Variants in EDIL3 observed in about 807,000 individuals in gnomAD.
EDIL3 encodes the protein EGF like and discoidin domains 3.
Under a neutral mutation model 67.4 loss-of-function variants are expected in EDIL3, and 37 were observed. That is an observed-to-expected ratio of 0.55 (90% CI 0.42 to 0.72). EDIL3 has a LOEUF of 0.72. Among genes scored for constraint, EDIL3 ranks in the 30% least tolerant of loss-of-function variants. The pLI, the probability that EDIL3 is intolerant of heterozygous loss-of-function variation, is 0.00. For synonymous variants in EDIL3, 195 were observed against 196.3 expected (o/e 0.99, Z 0.05); for missense variants, 527 against 586.3 (o/e 0.90, Z 1.04).
intron 2 of EDIL3, among the ~76,000 whole-genome samples, chr5:84,240,747 A>T (rs114135846): frequency 6.6e-6 from 1 of 152,160 alleles, no homozygotes; most frequent in Non-Finnish European, 1.5e-5. Context: ...CCGCAGCTCT[A>T]TGGAATACAG....
chr5:84,194,627 T>G lies in EDIL3; in HGVS notation c.227-14106A>C, dbSNP rs1743663026. On this transcript the variant is annotated intron_variant, in intron 3 of 10. Transcript: ENST00000296591. ...AAAATGTTGAGCTATTGAACACAAT[T>G]CATTTTATAATCCATGAATATATTA... 2.6e-5 allele frequency among the ~76,000 whole-genome samples: 4 copies of G among 152,048 alleles called. No individual in the cohort carries two copies. The South Asian group carries it at 8.3e-4, about 32-fold the overall frequency.
At chr5:84,228,838 A>T (rs1413836687) in intron 3 of EDIL3, among the ~76,000 whole-genome samples, 2 of 152,120 alleles carry the variant, frequency 1.3e-5, no homozygotes. Context: ...AGGCCTATGA[A>T]TTGAACTGAC....
At chr5:84,057,932 T>A (rs963344629) in intron 9 of EDIL3, among the ~76,000 whole-genome samples, 10 of 152,032 alleles carry the variant, frequency 6.6e-5, no homozygotes, top group Admixed American at 2.6e-4. Context: ...CAATTTCCAA[T>A]ACAGTAAGAA....
chr5:84,252,066 T>G (rs1184495162), intron 2 of EDIL3, among the ~76,000 whole-genome samples: 2 of 152,218 alleles, frequency 1.3e-5, no homozygotes, highest in Non-Finnish European at 2.9e-5. Flanking sequence ...AAAGTCACAC[T>G]GAACTAGGTG....
chr5:84,002,881 A>G (rs766813814), intron 9 of EDIL3, among the ~76,000 whole-genome samples: 40 of 151,992 alleles, frequency 2.6e-4, no homozygotes, highest in Non-Finnish European at 2.1e-4. Context: ...TTCCCTGTGA[A>G]CCCTTCAACC....
At chr5:84,039,110 T>G (rs539004705) in intron 9 of EDIL3, among the ~76,000 whole-genome samples, 6 of 147,874 alleles carry the variant, frequency 4.1e-5, no homozygotes, top group Non-Finnish European at 7.5e-5. Context: ...AAGACTGTGT[T>G]TTTTTTTTTT....
At chr5:83,993,408 A>G (rs1745184588) in intron 9 of EDIL3, among the ~76,000 whole-genome samples, 1 of 152,180 alleles carries the variant, frequency 6.6e-6, no homozygotes, top group Admixed American at 6.5e-5. Context: ...CACCCTTCAT[A>G]TTATTTAGAA....
At chr5:84,219,679 C>A (rs1319605623) in intron 3 of EDIL3, among the ~76,000 whole-genome samples, 1 of 151,690 alleles carries the variant, frequency 6.6e-6, no homozygotes, top group Non-Finnish European at 1.5e-5. Flanking sequence ...TATTGCAGCA[C>A]AATTCACAAT....
chr5:84,059,875 G>T (rs930571752), intron 9 of EDIL3, among the ~76,000 whole-genome samples: 3 of 152,174 alleles, frequency 2.0e-5, no homozygotes, highest in Non-Finnish European at 4.4e-5. Context: ...GCAACCACAG[G>T]TAAGGAGCTA....
chr5:84,298,255 A>G (rs548518992), intron 1 of EDIL3, among the ~76,000 whole-genome samples: 1 of 152,332 alleles, frequency 6.6e-6, no homozygotes, highest in South Asian at 2.1e-4. Context: ...GATAGACTGG[A>G]TAAAGAAAAT....
intron 9 of EDIL3, among the ~76,000 whole-genome samples, chr5:84,050,709 C>G (rs1014005412): frequency 1.1e-4 from 17 of 152,358 alleles, no homozygotes; most frequent in Admixed American, 1.0e-3. Flanking sequence ...CAGAGCCTCG[C>G]TCATTGCTAG....
At chr5:84,310,152 T>C (rs924194953) in intron 1 of EDIL3, among the ~76,000 whole-genome samples, 6 of 151,996 alleles carry the variant, frequency 3.9e-5, no homozygotes, top group African/African-American at 1.5e-4. Context: ...GTCATTCTCT[T>C]GACAAAATAA....
At chr5:84,377,996 T>G (rs1166987590) in intron 1 of EDIL3, among the ~76,000 whole-genome samples, 1 of 152,196 alleles carries the variant, frequency 6.6e-6, no homozygotes, top group Non-Finnish European at 1.5e-5. Flanking sequence ...GCAGCACATT[T>G]TCTAAAATAT....
chr5:84,267,973 C>T (rs1220057600), intron 1 of EDIL3, among the ~76,000 whole-genome samples: 1 of 151,990 alleles, frequency 6.6e-6, no homozygotes, highest in Non-Finnish European at 1.5e-5. Flanking sequence ...CCCATGTCTA[C>T]TAAAATACAA....
intron 6 of EDIL3, among the ~76,000 whole-genome samples, chr5:84,067,860 T>C (rs190604287): frequency 6.6e-6 from 1 of 152,332 alleles, no homozygotes; most frequent in East Asian, 1.9e-4. Context: ...GTACAATTTT[T>C]TGTGTTAAAA....
At chr5:84,166,096 T>C (rs891230898) in intron 4 of EDIL3, among the ~76,000 whole-genome samples, 1 of 152,102 alleles carries the variant, frequency 6.6e-6, no homozygotes, top group South Asian at 2.1e-4. Flanking sequence ...ATTTAAACAA[T>C]CTTAAAAAGC....
At chr5:84,023,432 G>A (rs760584579) in intron 9 of EDIL3, among the ~76,000 whole-genome samples, 4 of 151,826 alleles carry the variant, frequency 2.6e-5, no homozygotes, top group Non-Finnish European at 5.9e-5. Flanking sequence ...TATATATTTC[G>A]AGGAACAAAT....
At chr5:84,170,734 C>A (rs1748797930) in intron 4 of EDIL3, among the ~76,000 whole-genome samples, 1 of 152,014 alleles carries the variant, frequency 6.6e-6, no homozygotes, top group Non-Finnish European at 1.5e-5. Context: ...AATACTATTT[C>A]TATTTCTGGG....
chr5:84,171,752 C>T (rs1748815241), intron 4 of EDIL3, among the ~76,000 whole-genome samples: 1 of 152,156 alleles, frequency 6.6e-6, no homozygotes, highest in Non-Finnish European at 1.5e-5. Flanking sequence ...TTCTAGAACA[C>T]TGATTTTCAG....
Sources: allele counts gnomAD v4.1 joint callset (sites outside exome capture counted in the v4.1 genomes callset), GRCh38; gene constraint gnomAD v4.1.1; transcripts MANE v1.5; gene names NCBI Gene and HGNC (gene_info 2026-07-23, HGNC 2026-07-21).